The following MSANTD2 variants were observed in gnomAD, a reference collection of about 807,000 sequenced individuals.
MSANTD2 encodes the protein myb/SANT-like DNA-binding domain-containing protein 2.
In MSANTD2, 19 loss-of-function variants were observed where a neutral mutation model predicts 52.6. That is an observed-to-expected ratio of 0.36 (90% CI 0.25 to 0.53). The LOEUF (loss-of-function observed/expected upper bound fraction) is 0.53. MSANTD2 is among the 20% of genes least tolerant of loss of function. The pLI, the probability that MSANTD2 is intolerant of heterozygous loss-of-function variation, is 0.91. For missense variants in MSANTD2, 558 were observed against 716.3 expected, an observed-to-expected ratio of 0.78 and a Z score of 2.52; for synonymous variants, 291 against 289.7, an observed-to-expected ratio of 1.00 and a Z score of -0.04.
chr11:124,767,625 A>C lies in MSANTD2; in HGVS notation c.1231T>G (p.Leu411Val). The change falls in exon 4 of 4, where the codon TTA (leucine) becomes GTA (valine). Residue 411 changes from leucine (L) to valine (V), a missense_variant. Leu to Val is a conservative substitution (Grantham distance 32). Coordinates refer to ENST00000374979, the MANE Select transcript of MSANTD2 (RefSeq NM_001308027.2). This position sits in a 1 kb window ranked among gnomAD's most constrained non-coding sequence, Gnocchi z 6.5. ...CTTTTAGGAATACCCCCAGGCAATA[A>C]ATATTGAACAACATTCCCACCAGTT... is the stretch of plus-strand genomic sequence containing the variant. ...KPTGGNVVQY[L>V]LPGGIPKSPG... 2 of 1,614,236 alleles carry C rather than the reference A, an allele frequency of 1.2e-6. No individual in the cohort carries two copies. The highest frequency in any genetic ancestry group is 1.7e-6 in the Non-Finnish European group (2 of 1,180,046).
intron 1 of MSANTD2, among the ~76,000 whole-genome samples, chr11:124,787,427 A>T (rs1034751201): frequency 7.9e-5 from 12 of 152,100 alleles, no homozygotes; most frequent in African/African-American, 2.9e-4. Context: ...CCCAGGCTGG[A>T]TGGAGTGCAG....
chr11:124,773,375 A>G (rs1282505953), intron 2 of MSANTD2: 5 of 193,006 alleles, frequency 2.6e-5, no homozygotes, highest in African/African-American at 4.7e-5. Context: ...ATTCTGTTCC[A>G]TTTAGATTTT....
At chr11:124,798,596 T>C (rs905533784) in intron 1 of MSANTD2, among the ~76,000 whole-genome samples, 5 of 152,162 alleles carry the variant, frequency 3.3e-5, no homozygotes, top group African/African-American at 1.2e-4. Flanking sequence ...AGGTTTTAAA[T>C]ATCTTAGTTT....
At chr11:124,781,405 T>G (rs1376087127) in intron 1 of MSANTD2, among the ~76,000 whole-genome samples, 1 of 152,156 alleles carries the variant, frequency 6.6e-6, no homozygotes, top group East Asian at 1.9e-4. Flanking sequence ...CCAGATAAAC[T>G]ACCTCAAGTA....
intron 3 of MSANTD2, among the ~76,000 whole-genome samples, chr11:124,770,184 G>T (rs1227552147): frequency 3.9e-5 from 6 of 152,182 alleles, no homozygotes; most frequent in African/African-American, 1.2e-4. Context: ...ATACCAACTG[G>T]GCCTCCCTTG....
At position 124,800,111 on chromosome 11, in the gene MSANTD2, C is replaced by A; in HGVS notation, c.270G>T (p.Gly90=). Residue 90 remains glycine, a synonymous_variant, in exon 1 of 4, where the codon GGG becomes GGT. Coordinates refer to ENST00000374979, the MANE Select transcript of MSANTD2 (RefSeq NM_001308027.2). This position sits in a 1 kb window ranked among gnomAD's most constrained non-coding sequence, Gnocchi z 4.3. ...VSFSPGGGGG[G]AAAAAAAACR... ...AGGCGGCGGCGGCGGCTGCCGCAGC[C>A]CCGCCACCGCCGCCACCAGGGGAGA... 1.3e-6 allele frequency: 2 copies of A among 1,483,216 alleles called. No homozygotes were observed. The highest frequency in any genetic ancestry group is 2.4e-5 in the Admixed American group (1 of 41,190). 91.9% of individuals were successfully genotyped at this position (1,483,216 alleles called of 1,614,324 possible).
In MSANTD2 at chr11:124,800,018, C is replaced by T; in HGVS notation, c.363G>A (p.Leu121=). 5 of 1,583,594 alleles carry T rather than the reference C, an allele frequency of 3.2e-6. No homozygotes were observed. Among genetic ancestry groups the T allele is most frequent in the Non-Finnish European group, 4.3e-6 (5 of 1,174,150 alleles). ...ALIAVWGNER[L]VEARYQQLEG... is the part of the protein sequence containing the mutation. ...CCAGCTGCTGGTACCGCGCCTCCAC[C>T]AGCCGCTCGTTGCCCCACACTGCGA... Residue 121 remains leucine, a synonymous_variant, in exon 1 of 4, where the codon CTG becomes CTA. Transcript: ENST00000374979. This position sits in a 1 kb window ranked among gnomAD's most constrained non-coding sequence, Gnocchi z 4.3.
intron 1 of MSANTD2, among the ~76,000 whole-genome samples, chr11:124,785,151 G>C (rs187069778): frequency 1.7e-3 from 262 of 152,264 alleles, no homozygotes; most frequent in African/African-American, 5.5e-3. Flanking sequence ...AGACTGCTAA[G>C]AGAAATGACC....
chr11:124,766,797 T>G lies in MSANTD2; in HGVS notation c.*379A>C, dbSNP rs1944315710. ...ATAGAGATGTGTAAAAATGAAACAT[T>G]GTGAAAAAAATACAATTTTTCAATT... is the stretch of plus-strand genomic sequence containing the variant. On this transcript the variant is annotated 3_prime_UTR_variant, in exon 4 of 4. Coordinates refer to ENST00000374979, the MANE Select transcript of MSANTD2 (RefSeq NM_001308027.2). 1 of 164,598 alleles carries G rather than the reference T, an allele frequency of 6.1e-6. No homozygotes were observed. Among genetic ancestry groups the G allele is most frequent in the African/African-American group, 2.4e-5 (1 of 41,768 alleles). 10.2% of individuals were successfully genotyped at this position (164,598 alleles called of 1,614,324 possible).
chr11:124,773,197 G>A (rs1477079006), intron 2 of MSANTD2, 143 bp from the exon 3 acceptor site: 1 of 573,692 alleles, frequency 1.7e-6, no homozygotes, highest in African/African-American at 1.9e-5. Flanking sequence ...TCCAATGTCA[G>A]ATTTATAAAT....
intron 1 of MSANTD2, among the ~76,000 whole-genome samples, chr11:124,797,577 G>C (rs1166517189): frequency 1.3e-5 from 2 of 152,214 alleles, no homozygotes; most frequent in Non-Finnish European, 2.9e-5. Context: ...AGAGAGACCA[G>C]AACCTGTCCT....
At position 124,800,349 on chromosome 11, in the gene MSANTD2, G is replaced by A; in HGVS notation, c.32C>T (p.Ala11Val). The change falls in exon 1 of 4, where the codon GCC becomes GTC. Residue 11 changes from alanine (A) to valine (V), a missense_variant. Ala to Val is a moderately conservative substitution (Grantham distance 64). Coordinates refer to ENST00000374979, the MANE Select transcript of MSANTD2 (RefSeq NM_001308027.2). The surrounding 1 kb of genome is among the most constrained non-coding windows in gnomAD (Gnocchi z 4.3). ...CTTCGGAATTTTTAGCGGCGAGTTG[G>A]CGGGCAGCTCCGAGCCACAGGGCGC... MAAPCGSELP[A>V]NSPLKIPKME... is the part of the protein sequence containing the mutation. 6.4e-7 allele frequency: 1 copy of A among 1,551,014 alleles called. No homozygotes were observed. The highest frequency in any genetic ancestry group is 1.2e-5 in the South Asian group (1 of 83,946).
At chr11:124,776,417 C>G (rs1294178225) in intron 1 of MSANTD2, among the ~76,000 whole-genome samples, 1 of 152,230 alleles carries the variant, frequency 6.6e-6, no homozygotes, top group Non-Finnish European at 1.5e-5. Context: ...CCTGCCTCAG[C>G]CTCCCAAGTA....
intron 3 of MSANTD2, among the ~76,000 whole-genome samples, chr11:124,769,590 GT>G (rs1254811720): frequency 1.3e-5 from 2 of 152,202 alleles, no homozygotes; most frequent in Non-Finnish European, 2.9e-5. Flanking sequence ...ATGCTAAGGA[GT>G]TGGGATGGAG....
intron 3 of MSANTD2, among the ~76,000 whole-genome samples, chr11:124,770,028 C>A (rs1944443373): frequency 6.6e-6 from 1 of 152,192 alleles, no homozygotes; most frequent in Non-Finnish European, 1.5e-5. Flanking sequence ...CTCTGGAGCA[C>A]AATGAAAACT....
rs1230263246 is a variant in MSANTD2 at position 124,774,769 on chromosome 11, C to G, written c.716G>C (p.Trp239Ser). The G allele has an allele frequency of 6.2e-7, 1 of 1,614,170 alleles. No individual in the cohort carries two copies. The highest frequency in any genetic ancestry group is 2.2e-5 in the East Asian group (1 of 44,890). Residue 239 changes from tryptophan (W) to serine (S), a missense_variant, in exon 2 of 4, where the codon TGG (tryptophan) becomes TCG (serine). Trp to Ser is a radical substitution (Grantham distance 177). Around this residue, in one of 2 missense-constraint regions of MSANTD2, gnomAD observed 408 missense variants for 573.6 expected, o/e 0.71. Coordinates refer to ENST00000374979, the MANE Select transcript of MSANTD2 (RefSeq NM_001308027.2). This position sits in a 1 kb window ranked among gnomAD's most constrained non-coding sequence, Gnocchi z 5.1. ...STMEDYSQEDWGNHSQDLHGY... is the reference protein window; with the variant it reads ...STMEDYSQEDSGNHSQDLHGY... Reference sequence around the variant, plus strand: ...ATGGAGATCCTGACTGTGGTTTCCCCAGTCCTCCTGTGAATAGTCCTCCAT... The same window carrying G: ...ATGGAGATCCTGACTGTGGTTTCCCGAGTCCTCCTGTGAATAGTCCTCCAT...
chr11:124,795,106 T>TG lies in MSANTD2; in HGVS notation c.510+4764dup, dbSNP rs1358139179. Among the ~76,000 whole-genome samples, 3 of 152,310 alleles carry TG rather than the reference T, an allele frequency of 2.0e-5. No homozygotes were observed. The South Asian group carries it at 6.2e-4, about 32-fold the overall frequency. ...GTTGTCCACGCTGGTCTCCAACTCC[T>TG]GAGCTCACGTGATATGCCCGCCTCA... On this transcript the variant is annotated intron_variant, in intron 1 of 3. Transcript: ENST00000374979.
chr11:124,791,661 G>C, intron 1 of MSANTD2: 3 of 1,405,376 alleles, frequency 2.1e-6, no homozygotes, highest in Non-Finnish European at 3.0e-6. Context: ...CCAGCATTTG[G>C]TGAGGGCATT....
chr11:124,799,392 T>A (rs1463408338), intron 1 of MSANTD2, among the ~76,000 whole-genome samples: 1 of 152,236 alleles, frequency 6.6e-6, no homozygotes, highest in Non-Finnish European at 1.5e-5. Context: ...CCCAAGGCGC[T>A]TTTTCTATGG....
Sources: allele counts gnomAD v4.1 joint callset (sites outside exome capture counted in the v4.1 genomes callset), GRCh38; gene constraint gnomAD v4.1.1; regional missense constraint gnomAD v4.1.1; non-coding constraint Gnocchi (gnomAD v3.1); transcripts MANE v1.5; gene names NCBI Gene and HGNC (gene_info 2026-07-23, HGNC 2026-07-21).